The following CHSY3 variants were observed in gnomAD, a reference collection of about 807,000 sequenced individuals.
The protein encoded by CHSY3 is N-acetylgalactosaminyl-proteoglycan 3-beta-glucuronosyltransferase 3.
CHSY3 carries 35 observed loss-of-function variants against 67.2 expected under a neutral mutation model. The observed-to-expected ratio is 0.52, with a 90% CI of 0.40 to 0.69. The LOEUF (loss-of-function observed/expected upper bound fraction) is 0.69, where lower values mean the gene tolerates loss of function less well. Ranked by LOEUF, CHSY3 falls within the 30% of genes least tolerant of loss-of-function variation. CHSY3 has a pLI of 0.00. For synonymous variants in CHSY3, 474 were observed against 434.7 expected (o/e 1.09, Z -1.12); for missense variants, 1,069 against 1,138.5 (o/e 0.94, Z 0.88).
chr5:130,067,245 A>G (rs1765911668), intron 2 of CHSY3, among the ~76,000 whole-genome samples: 1 of 152,102 alleles, frequency 6.6e-6, no homozygotes, highest in African/African-American at 2.4e-5. Flanking sequence ...ATGTACTACA[A>G]TCATTTTATA....
At chr5:130,057,734 T>G (rs1406214362) in intron 2 of CHSY3, among the ~76,000 whole-genome samples, 1 of 152,218 alleles carries the variant, frequency 6.6e-6, no homozygotes, top group African/African-American at 2.4e-5. Flanking sequence ...GTAGTAACTC[T>G]GTTGATGAAA....
At chr5:129,906,438 G>C (rs1040740331) in intron 1 of CHSY3, among the ~76,000 whole-genome samples, 4 of 152,180 alleles carry the variant, frequency 2.6e-5, no homozygotes, top group African/African-American at 9.7e-5. Context: ...CACTAGTATT[G>C]GTTCCTTTCC....
intron 2 of CHSY3, among the ~76,000 whole-genome samples, chr5:129,917,662 C>T (rs1226860443): frequency 6.6e-6 from 1 of 152,162 alleles, no homozygotes; most frequent in Non-Finnish European, 1.5e-5. Flanking sequence ...TTATTTGTTC[C>T]CCTCGTGGGA....
At chr5:130,053,606 T>C (rs75060559) in intron 2 of CHSY3, among the ~76,000 whole-genome samples, 2,054 of 152,282 alleles carry the variant, frequency 0.013, 38 homozygotes, top group African/African-American at 0.047. Context: ...CCCTTATCTT[T>C]ATTACGTCAC....
intron 2 of CHSY3, among the ~76,000 whole-genome samples, chr5:130,143,736 ATATATATATATATATATATATGTG>A (rs1561557045): frequency 9.2e-4 from 88 of 95,212 alleles, no homozygotes; most frequent in African/African-American, 3.6e-3. Flanking sequence ...GTGTGTGTGT[ATATATATATATATATATATATGTG>A]TGTGTGTGTA....
intron 2 of CHSY3, among the ~76,000 whole-genome samples, chr5:130,167,703 G>C (rs916049862): frequency 6.6e-6 from 1 of 151,996 alleles, no homozygotes; most frequent in African/African-American, 2.4e-5. Flanking sequence ...ACAACTAAAG[G>C]TTACTCATTA....
At chr5:130,132,510 A>G (rs1768514754) in intron 2 of CHSY3, among the ~76,000 whole-genome samples, 1 of 152,224 alleles carries the variant, frequency 6.6e-6, no homozygotes. Flanking sequence ...ATAGAATCAC[A>G]CATTATTCTT....
At chr5:129,930,928 T>C (rs776600496) in intron 2 of CHSY3, among the ~76,000 whole-genome samples, 11 of 152,186 alleles carry the variant, frequency 7.2e-5, no homozygotes, top group South Asian at 2.1e-4. Context: ...TGGAAACAGC[T>C]TTATGCAAAT....
intron 2 of CHSY3, among the ~76,000 whole-genome samples, chr5:130,096,070 G>A (rs544750970): frequency 3.3e-5 from 5 of 152,252 alleles, no homozygotes; most frequent in Middle Eastern, 3.4e-3. Context: ...AAACTGTTAC[G>A]GACTCAGGGT....
At chr5:130,091,818 C>A (rs1418647078) in intron 2 of CHSY3, among the ~76,000 whole-genome samples, 1 of 152,134 alleles carries the variant, frequency 6.6e-6, no homozygotes, top group South Asian at 2.1e-4. Flanking sequence ...TTAATGACCT[C>A]TTTGCAGAGT....
At chr5:129,927,926 C>A (rs1007919182) in intron 2 of CHSY3, among the ~76,000 whole-genome samples, 2 of 151,608 alleles carry the variant, frequency 1.3e-5, no homozygotes, top group East Asian at 1.9e-4. Flanking sequence ...CCTGAAGCCC[C>A]CACAATTCCT....
chr5:130,177,807 GAA>G (rs1770101355), intron 2 of CHSY3, among the ~76,000 whole-genome samples: 1 of 151,974 alleles, frequency 6.6e-6, no homozygotes, highest in African/African-American at 2.4e-5. Context: ...GCATTTTGTG[GAA>G]ATTTTCTTGA....
intron 2 of CHSY3, among the ~76,000 whole-genome samples, chr5:130,065,739 T>A: frequency 6.6e-6 from 1 of 152,142 alleles, no homozygotes; most frequent in East Asian, 1.9e-4. Flanking sequence ...ATGATCCAAT[T>A]TGTGAATATG....
intron 2 of CHSY3, among the ~76,000 whole-genome samples, chr5:130,093,839 A>G (rs1766959915): frequency 1.3e-5 from 2 of 152,188 alleles, no homozygotes; most frequent in Non-Finnish European, 2.9e-5. Context: ...CTATTTCAGC[A>G]TAGAAAAAGT....
At chr5:130,035,377 C>CA (rs1442860624) in intron 2 of CHSY3, among the ~76,000 whole-genome samples, 1 of 152,002 alleles carries the variant, frequency 6.6e-6, no homozygotes, top group African/African-American at 2.4e-5. Context: ...TATAAACAGC[C>CA]AAAAACATGG....
intron 2 of CHSY3, among the ~76,000 whole-genome samples, chr5:130,070,061 A>G (rs1032623785): frequency 6.6e-6 from 1 of 152,090 alleles, no homozygotes; most frequent in Non-Finnish European, 1.5e-5. Context: ...CACAGAAAAG[A>G]TCACATATCT....
intron 2 of CHSY3, among the ~76,000 whole-genome samples, chr5:129,963,834 G>A (rs1445571081): frequency 1.3e-5 from 2 of 151,746 alleles, no homozygotes; most frequent in African/African-American, 4.8e-5. Flanking sequence ...CCCCAGGGAT[G>A]TGTGTGGGCA....
intron 2 of CHSY3, among the ~76,000 whole-genome samples, chr5:129,935,876 C>T (rs1311359001): frequency 1.3e-5 from 2 of 152,264 alleles, no homozygotes; most frequent in East Asian, 3.9e-4. Flanking sequence ...CTATTCAATG[C>T]ATTTTTAAAT....
chr5:130,001,776 G>C (rs1016254440), intron 2 of CHSY3: 1 of 828,920 alleles, frequency 1.2e-6, no homozygotes, highest in Middle Eastern at 6.3e-4. Context: ...ACATGCCCTC[G>C]CTGATAGTTT....
Sources: gnomAD v4.1 joint callset for allele counts (sites outside exome capture counted in the v4.1 genomes callset) on GRCh38, gnomAD v4.1.1 for gene constraint, MANE v1.5 for transcripts, NCBI Gene and HGNC (gene_info 2026-07-23, HGNC 2026-07-21) for gene names.